Variants in LRBA observed in about 807,000 individuals in gnomAD.
LRBA encodes lipopolysaccharide-responsive and beige-like anchor protein.
LRBA carries 176 observed loss-of-function variants against 330.0 expected under a neutral mutation model. The observed-to-expected ratio is 0.53, with a 90% CI of 0.47 to 0.60. LRBA has a LOEUF of 0.60. Ranked by LOEUF, LRBA falls within the 20% of genes least tolerant of loss-of-function variation. LRBA has a pLI of 0.00. For missense variants in LRBA, 3,259 were observed against 3,444.8 expected, an observed-to-expected ratio of 0.95 and a Z score of 1.35; for synonymous variants, 1,230 against 1,193.0, an observed-to-expected ratio of 1.03 and a Z score of -0.64.
At chr4:150,485,210 A>G (rs200034361) in intron 42 of LRBA, among the ~76,000 whole-genome samples, 9 of 152,022 alleles carry the variant, frequency 5.9e-5, no homozygotes, top group Admixed American at 5.9e-4. Flanking sequence ...AATTACTGAC[A>G]TAACAGGGAG....
chr4:150,775,399 G>A (rs530292364), intron 34 of LRBA, among the ~76,000 whole-genome samples: 1 of 151,024 alleles, frequency 6.6e-6, no homozygotes, highest in East Asian at 1.9e-4. Flanking sequence ...ATATGAATTA[G>A]TGATCCACAA....
intron 37 of LRBA, among the ~76,000 whole-genome samples, chr4:150,609,763 T>C (rs1273819516): frequency 1.3e-5 from 2 of 152,094 alleles, no homozygotes; most frequent in Non-Finnish European, 2.9e-5. Context: ...GGATGGCGGT[T>C]TAAAGAAGGT....
At position 150,419,633 on chromosome 4, in the gene LRBA, C is replaced by CTT. The variant is rs780382905; in HGVS notation, c.7042-4045_7042-4044dup. 7.3e-3 allele frequency among the ~76,000 whole-genome samples: 705 copies of CTT among 96,930 alleles called. 17 individuals carry two copies. Among genetic ancestry groups the CTT allele is most frequent in the African/African-American group, 0.01 (267 of 26,062 alleles). 63.6% of individuals were successfully genotyped at this position (96,930 alleles called of 152,430 possible). A position where few individuals can be genotyped will look rare whatever the true frequency, so the allele number is the denominator to read the frequency against. ...TTAGCAATATATTCACTGATAATAT[C>CTT]TTTTTTTTTTTTTTTTTTTTTTGAG... On this transcript the variant is annotated intron_variant, in intron 46 of 56. Transcript: ENST00000651943.
intron 55 of LRBA, among the ~76,000 whole-genome samples, chr4:150,280,456 T>G (rs1045635629): frequency 2.4e-4 from 36 of 152,226 alleles, no homozygotes; most frequent in African/African-American, 8.7e-4. Flanking sequence ...CTCCCTTGTT[T>G]AGGACAAAAT....
At chr4:150,771,377 G>A (rs1736544300) in intron 34 of LRBA, among the ~76,000 whole-genome samples, 1 of 152,172 alleles carries the variant, frequency 6.6e-6, no homozygotes, top group Admixed American at 6.5e-5. Flanking sequence ...CAAGCCAGCT[G>A]CTTGAGGATG....
At chr4:150,548,390 T>C (rs982219797) in intron 40 of LRBA, among the ~76,000 whole-genome samples, 22 of 152,138 alleles carry the variant, frequency 1.4e-4, no homozygotes, top group African/African-American at 5.1e-4. Context: ...ATTAAATATA[T>C]TTAAAGTGCC....
At chr4:150,501,661 C>CA (rs942707375) in intron 40 of LRBA, among the ~76,000 whole-genome samples, 9 of 150,966 alleles carry the variant, frequency 6.0e-5, no homozygotes, top group African/African-American at 2.2e-4. Context: ...ATAAACACAG[C>CA]AAAAAACAAA....
intron 11 of LRBA, 23 bp downstream of exon 11, chr4:150,908,311 A>T: frequency 6.2e-7 from 1 of 1,600,472 alleles, no homozygotes; most frequent in Non-Finnish European, 8.5e-7. Context: ...CAGCCAATTA[A>T]AGAAACAAAT....
intron 44 of LRBA, among the ~76,000 whole-genome samples, chr4:150,454,652 T>C (rs931291941): frequency 6.6e-6 from 1 of 152,108 alleles, no homozygotes; most frequent in African/African-American, 2.4e-5. Context: ...ATGAGTTATA[T>C]AGTAGTGAAG....
rs529015196 is a variant in LRBA, at chr4:150,281,882, C to A, written c.8316+568G>T. Reference sequence around the variant, plus strand: ...AGCAAGAGCCCAGAAGGTCCACTGGCGGTGCCATTTCGGGTAGACCCAGTG... The same window carrying A: ...AGCAAGAGCCCAGAAGGTCCACTGGAGGTGCCATTTCGGGTAGACCCAGTG... On this transcript the variant is annotated intron_variant, in intron 55 of 56. Transcript: ENST00000651943. Among the ~76,000 whole-genome samples the A allele has an allele frequency of 1.3e-4, 20 of 152,298 alleles. No homozygotes were observed. In the South Asian group the frequency reaches 4.1e-3, roughly 32 times the overall value.
At chr4:150,848,016 T>C (rs898087648) in intron 26 of LRBA, among the ~76,000 whole-genome samples, 2 of 151,786 alleles carry the variant, frequency 1.3e-5, no homozygotes, top group East Asian at 3.9e-4. Flanking sequence ...TAGACCTCTA[T>C]AACCCTTTTT....
intron 29 of LRBA, among the ~76,000 whole-genome samples, chr4:150,830,648 G>A (rs1747032716): frequency 6.6e-6 from 1 of 151,954 alleles, no homozygotes; most frequent in Admixed American, 6.6e-5. Context: ...AAATGGTTAT[G>A]GTCTTAGGAC....
intron 44 of LRBA, among the ~76,000 whole-genome samples, chr4:150,455,312 G>T (rs1375476604): frequency 6.6e-6 from 1 of 151,846 alleles, no homozygotes; most frequent in African/African-American, 2.4e-5. Context: ...AAATCATGCT[G>T]CTATAAAGAC....
At position 150,916,943 on chromosome 4, in the gene LRBA, G is replaced by A. The variant is rs191334624; in HGVS notation, c.646-205C>T. ...CCGAGGCAGGTGCATCACAAGGTCAGGAGATTGAGACCATCCTGGCTAACA... is the reference window on the plus strand; with the variant it reads ...CCGAGGCAGGTGCATCACAAGGTCAAGAGATTGAGACCATCCTGGCTAACA... On this transcript the variant is annotated intron_variant, in intron 5 of 56. Transcript: ENST00000651943. Among the ~76,000 whole-genome samples, 531 of 152,248 alleles carry A rather than the reference G, an allele frequency of 3.5e-3. 2 individuals are homozygous for A. The highest frequency in any genetic ancestry group is 5.0e-3 in the South Asian group (24 of 4,814).
At chr4:150,695,162 T>C (rs910900149) in intron 36 of LRBA, among the ~76,000 whole-genome samples, 4 of 152,202 alleles carry the variant, frequency 2.6e-5, no homozygotes, top group African/African-American at 4.8e-5. Context: ...AAGTAAACTA[T>C]GGCTGCTATC....
chr4:150,519,645 T>C (rs1032935639), intron 40 of LRBA, among the ~76,000 whole-genome samples: 1 of 152,196 alleles, frequency 6.6e-6, no homozygotes, highest in African/African-American at 2.4e-5. Context: ...AAGAATAAAG[T>C]TGATGTAAAC....
At chr4:150,990,914 G>C (rs1050863078) in intron 2 of LRBA, among the ~76,000 whole-genome samples, 8 of 152,044 alleles carry the variant, frequency 5.3e-5, no homozygotes, top group African/African-American at 1.9e-4. Context: ...AGCTACTCAG[G>C]AGGCTGAGAG....
intron 35 of LRBA, among the ~76,000 whole-genome samples, chr4:150,752,739 T>A (rs1733725180): frequency 6.6e-6 from 1 of 152,170 alleles, no homozygotes; most frequent in African/African-American, 2.4e-5. Flanking sequence ...TTTTCCAAAC[T>A]TACTTTGCAT....
In LRBA at chr4:150,639,837, A is replaced by ATG. The variant is rs1240947644; in HGVS notation, c.5922-40707_5922-40706insCA. On this transcript the variant is annotated intron_variant, in intron 37 of 56. Coordinates refer to ENST00000651943, the MANE Select transcript of LRBA (RefSeq NM_001364905.1). ...TGTGTGTGTATATATATATATATAT[A>ATG]TATATATATATATATATATATATAT... 2.2e-4 allele frequency among the ~76,000 whole-genome samples: 6 copies of ATG among 27,178 alleles called. 1 individual carries two copies. The highest frequency in any genetic ancestry group is 5.5e-4 in the African/African-American group (6 of 10,828). The allele number at this position is 27,178 out of a possible 152,430, so 17.8% of individuals were successfully genotyped here.
Sources: gnomAD v4.1 joint callset for allele counts (sites outside exome capture counted in the v4.1 genomes callset) on GRCh38, gnomAD v4.1.1 for gene constraint, MANE v1.5 for transcripts, NCBI Gene and HGNC (gene_info 2026-07-23, HGNC 2026-07-21) for gene names.